LGR6: variants seen among roughly 807,000 people sequenced by gnomAD.
LGR6 encodes leucine-rich repeat-containing G protein-coupled receptor 6.
Under a neutral mutation model 69.4 loss-of-function variants are expected in LGR6, and 45 were observed. The ratio of observed to expected loss-of-function variants is 0.65; its 90% CI spans 0.51 to 0.83. The LOEUF is 0.83. LGR6 is among the 40% of genes least tolerant of loss of function. LGR6 has a pLI of 0.00. For synonymous variants in LGR6, 538 were observed against 555.0 expected, an observed-to-expected ratio of 0.97 and a Z score of 0.43; for missense variants, 1,108 against 1,246.7, an observed-to-expected ratio of 0.89 and a Z score of 1.68.
chr1:202,267,987 A>G lies in LGR6; in HGVS notation c.429-8319A>G, dbSNP rs144308588. Among the ~76,000 whole-genome samples, 980 of 152,332 alleles carry G rather than the reference A, an allele frequency of 6.4e-3. 14 individuals are homozygous for G. The highest frequency in any genetic ancestry group is 0.023 in the African/African-American group (949 of 41,570). On this transcript the variant is annotated intron_variant, in intron 4 of 17. Transcript: ENST00000367278. The stretch of plus-strand genomic sequence containing the variant: ...GCAGTAGGGCTTTATGGAAGCCTTC[A>G]TGAGACCATAAAGGGCCTTCACAGA...
intron 4 of LGR6, among the ~76,000 whole-genome samples, chr1:202,271,428 G>A (rs770764893): frequency 6.6e-6 from 1 of 152,098 alleles, no homozygotes; most frequent in Non-Finnish European, 1.5e-5. Context: ...ATAGTAAGAG[G>A]GGTTGCTCTA....
At chr1:202,214,141 T>C in intron 1 of LGR6, 1 of 1,480,772 alleles carries the variant, frequency 6.8e-7, no homozygotes, top group Non-Finnish European at 8.9e-7. Context: ...GCACTCGAGG[T>C]CCCAGGGGCC....
intron 3 of LGR6, among the ~76,000 whole-genome samples, chr1:202,231,211 G>A (rs1286666993): frequency 6.6e-6 from 1 of 152,176 alleles, no homozygotes; most frequent in Non-Finnish European, 1.5e-5. Flanking sequence ...CCTGTATGGA[G>A]CCATCTTCAG....
intron 3 of LGR6, among the ~76,000 whole-genome samples, chr1:202,232,653 A>G (rs1195012221): frequency 6.9e-6 from 1 of 145,852 alleles, no homozygotes; most frequent in Non-Finnish European, 1.5e-5. Flanking sequence ...TCAAGACACC[A>G]TCTCTACAAA....
intron 4 of LGR6, among the ~76,000 whole-genome samples, chr1:202,263,371 G>A (rs1029158628): frequency 6.6e-6 from 1 of 152,116 alleles, no homozygotes; most frequent in Admixed American, 6.5e-5. Flanking sequence ...TGATCCTCCT[G>A]CCTCAGCCTC....
intron 6 of LGR6, among the ~76,000 whole-genome samples, chr1:202,284,310 C>G (rs1006036091): frequency 6.6e-6 from 1 of 152,180 alleles, no homozygotes; most frequent in Non-Finnish European, 1.5e-5. Flanking sequence ...TTTCTACTTC[C>G]ACAATGAGGA....
At chr1:202,299,702 G>A (rs577065964) in intron 7 of LGR6, among the ~76,000 whole-genome samples, 304 of 152,278 alleles carry the variant, frequency 2.0e-3, no homozygotes, top group Admixed American at 3.3e-3. Context: ...CTGGCTGGAG[G>A]TGTCTGAGCG....
intron 1 of LGR6, among the ~76,000 whole-genome samples, chr1:202,222,435 G>T (rs1036123336): frequency 3.9e-5 from 6 of 152,160 alleles, no homozygotes; most frequent in African/African-American, 1.4e-4. Context: ...GGGGGCCATG[G>T]AGGGACATCA....
At chr1:202,197,029 G>T (rs762195333) in intron 1 of LGR6, 1 of 533,224 alleles carries the variant, frequency 1.9e-6, no homozygotes, top group Non-Finnish European at 3.8e-6. Context: ...GCAGGAAGTA[G>T]CAGGCCAGAG....
At chr1:202,217,366 C>A (rs1246698394) in intron 1 of LGR6, among the ~76,000 whole-genome samples, 1 of 152,156 alleles carries the variant, frequency 6.6e-6, no homozygotes, top group Non-Finnish European at 1.5e-5. Context: ...TTTTAGGAGC[C>A]CCACACCACA....
chr1:202,238,510 G>A (rs917263868), intron 4 of LGR6, among the ~76,000 whole-genome samples: 26 of 139,636 alleles, frequency 1.9e-4, no homozygotes, highest in African/African-American at 6.9e-4. Context: ...TGCAACCTCC[G>A]CCTCCTGGGT....
intron 4 of LGR6, among the ~76,000 whole-genome samples, chr1:202,245,749 A>G (rs1253614757): frequency 2.0e-5 from 3 of 152,174 alleles, no homozygotes; most frequent in South Asian, 4.1e-4. Context: ...TCCCTCCCCC[A>G]TGGGGAGAGG....
At chr1:202,230,882 C>G (rs1660978511) in intron 3 of LGR6, among the ~76,000 whole-genome samples, 1 of 152,146 alleles carries the variant, frequency 6.6e-6, no homozygotes, top group Admixed American at 6.5e-5. Flanking sequence ...TTACCAGGCC[C>G]AGATCTGGGA....
At chr1:202,310,455 C>A in intron 16 of LGR6, 98 bp downstream of exon 16, 1 of 1,209,978 alleles carries the variant, frequency 8.3e-7, no homozygotes, top group Non-Finnish European at 1.2e-6. Context: ...CTGACAGCAG[C>A]TGCAGAGGGA....
rs78655143 is a variant in LGR6, at chr1:202,215,439, G to A, written c.213-9984G>A. Among the ~76,000 whole-genome samples, 935 of 152,192 alleles carry A rather than the reference G, an allele frequency of 6.1e-3. 8 individuals are homozygous for A. Among genetic ancestry groups the A allele is most frequent in the African/African-American group, 0.021 (887 of 41,498 alleles). ...GGATATCTCAGTCCTTCTTTCTAAG[G>A]GGCTTCCAGTCTGATAGGGTGAACA... On this transcript the variant is annotated intron_variant, in intron 1 of 17. Transcript: ENST00000367278.
chr1:202,232,049 G>T (rs1199147657), intron 3 of LGR6, among the ~76,000 whole-genome samples: 1 of 151,252 alleles, frequency 6.6e-6, no homozygotes, highest in Non-Finnish European at 1.5e-5. Context: ...CAACCTCCTT[G>T]AGAGTTGCGC....
At chr1:202,263,741 C>T (rs1664420021) in intron 4 of LGR6, among the ~76,000 whole-genome samples, 1 of 152,088 alleles carries the variant, frequency 6.6e-6, no homozygotes, top group Non-Finnish European at 1.5e-5. Flanking sequence ...GATGGAGAAA[C>T]ATCTTTCAAA....
rs558838795 is a variant in LGR6 at position 202,222,541 on chromosome 1, G to A, written c.213-2882G>A. On this transcript the variant is annotated intron_variant, in intron 1 of 17. Coordinates refer to ENST00000367278, the MANE Select transcript of LGR6 (RefSeq NM_001017403.2). ...CTTGAACTCCCGCTGCGTTCCTGTC[G>A]AGACACATCCAGAAATGCACAGGGT... 6.6e-5 allele frequency among the ~76,000 whole-genome samples: 10 copies of A among 152,246 alleles called. No individual in the cohort carries two copies. In the South Asian group the frequency reaches 2.1e-3, roughly 32 times the overall value.
intron 6 of LGR6, among the ~76,000 whole-genome samples, chr1:202,295,870 AGTGTGTGTGTGTGT>A (rs10522809): frequency 0.02 from 2,859 of 143,818 alleles, 70 homozygotes; most frequent in African/African-American, 0.059. Context: ...TTGGGTAATT[AGTGTGTGTGTGTGT>A]GTGTGTGTGT....
Sources: allele counts gnomAD v4.1 joint callset (sites outside exome capture counted in the v4.1 genomes callset), GRCh38; gene constraint gnomAD v4.1.1; transcripts MANE v1.5; gene names NCBI Gene and HGNC (gene_info 2026-07-23, HGNC 2026-07-21).